The following THRB variants were observed in gnomAD, a reference collection of about 807,000 sequenced individuals.
The protein encoded by THRB is nuclear receptor subfamily 1 group A member 2.
THRB carries 12 observed loss-of-function variants against 47.8 expected under a neutral mutation model. The observed-to-expected ratio is 0.25, with a 90% CI of 0.16 to 0.41. THRB has a LOEUF of 0.41. Ranked by LOEUF, THRB falls within the 10% of genes least tolerant of loss-of-function variation. The probability of loss-of-function intolerance (pLI) is 1.00; values close to 1 mark genes in which losing one functional copy is unlikely to be tolerated. For missense variants in THRB, 348 were observed against 589.2 expected, an observed-to-expected ratio of 0.59 and a Z score of 4.24; for synonymous variants, 218 against 212.2, an observed-to-expected ratio of 1.03 and a Z score of -0.24.
intron 1 of THRB, among the ~76,000 whole-genome samples, chr3:24,406,657 C>A (rs2067851757): frequency 6.6e-6 from 1 of 150,966 alleles, no homozygotes. Context: ...TTTTCTATCC[C>A]TAGAATAGTT....
chr3:24,229,893 C>G (rs2048077845), intron 3 of THRB, among the ~76,000 whole-genome samples: 2 of 152,184 alleles, frequency 1.3e-5, no homozygotes, highest in Admixed American at 6.5e-5. Flanking sequence ...TTGTAATATA[C>G]TACTAGCTGT....
intron 4 of THRB, among the ~76,000 whole-genome samples, chr3:24,202,746 T>A (rs75244707): frequency 6.6e-6 from 1 of 152,216 alleles, no homozygotes; most frequent in African/African-American, 2.4e-5. Context: ...GTGGAGGAGA[T>A]GCTGTGATTA....
chr3:24,464,830 T>C (rs2074004789), intron 1 of THRB, among the ~76,000 whole-genome samples: 1 of 152,222 alleles, frequency 6.6e-6, no homozygotes, highest in Admixed American at 6.5e-5. Flanking sequence ...AGAAAATCTT[T>C]TTTTATCATT....
chr3:24,151,383 G>A (rs1338546172), intron 6 of THRB, among the ~76,000 whole-genome samples: 8 of 152,084 alleles, frequency 5.3e-5, no homozygotes, highest in African/African-American at 1.4e-4. Context: ...TTGGAGAAGC[G>A]GAAGAAGAGA....
chr3:24,174,549 C>G lies in THRB; in HGVS notation c.283+15525G>C, dbSNP rs534679464. Among the ~76,000 whole-genome samples the G allele has an allele frequency of 3.3e-5, 5 of 152,282 alleles. No homozygotes were observed. In the East Asian group the frequency reaches 9.6e-4, roughly 29 times the overall value. Reference sequence around the variant, plus strand: ...TGTTACCCCTCCCACAACCCCAATCCTAGCTTGCAATAATCTTTAGTTTTT... The same window carrying G: ...TGTTACCCCTCCCACAACCCCAATCGTAGCTTGCAATAATCTTTAGTTTTT... On this transcript the variant is annotated intron_variant, in intron 5 of 10. Transcript: ENST00000646209.
intron 1 of THRB, among the ~76,000 whole-genome samples, chr3:24,341,631 T>C (rs537884339): frequency 6.6e-6 from 1 of 152,328 alleles, no homozygotes; most frequent in South Asian, 2.1e-4. Flanking sequence ...AACTTTGTAG[T>C]TCCTCTCACT....
chr3:24,435,576 T>C (rs2070860862), intron 1 of THRB, among the ~76,000 whole-genome samples: 2 of 152,160 alleles, frequency 1.3e-5, no homozygotes, highest in Non-Finnish European at 2.9e-5. Context: ...TCTCACGACA[T>C]TTGACACGTG....
intron 1 of THRB, among the ~76,000 whole-genome samples, chr3:24,464,555 G>C (rs144911976): frequency 6.6e-6 from 1 of 152,068 alleles, no homozygotes; most frequent in South Asian, 2.1e-4. Flanking sequence ...CCTGGATTAC[G>C]GGTTTTATGC....
intron 1 of THRB, among the ~76,000 whole-genome samples, chr3:24,451,616 C>T (rs1181349725): frequency 6.6e-6 from 1 of 152,200 alleles, no homozygotes; most frequent in Admixed American, 6.5e-5. Flanking sequence ...TTCTCTTTCA[C>T]CTGCTCCTGA....
chr3:24,342,243 A>G (rs2062713119), intron 1 of THRB, among the ~76,000 whole-genome samples: 2 of 152,174 alleles, frequency 1.3e-5, no homozygotes, highest in Non-Finnish European at 2.9e-5. Flanking sequence ...TGTATCAATC[A>G]GGGTTATCCA....
chr3:24,260,084 C>T (rs1193803190), intron 3 of THRB, among the ~76,000 whole-genome samples: 1 of 152,194 alleles, frequency 6.6e-6, no homozygotes, highest in Non-Finnish European at 1.5e-5. Context: ...AACCACTAAT[C>T]TACTTTCTGT....
At chr3:24,357,102 C>A (rs1198622015) in intron 1 of THRB, among the ~76,000 whole-genome samples, 1 of 150,542 alleles carries the variant, frequency 6.6e-6, no homozygotes. Context: ...GGCACCTGAC[C>A]TGAAGATTGA....
intron 4 of THRB, among the ~76,000 whole-genome samples, chr3:24,212,648 C>G (rs1353670502): frequency 6.6e-6 from 1 of 151,490 alleles, no homozygotes; most frequent in Non-Finnish European, 1.5e-5. Context: ...TTGATCCAGG[C>G]CACTTGGAGA....
intron 1 of THRB, among the ~76,000 whole-genome samples, chr3:24,369,912 C>T (rs1283439224): frequency 6.6e-6 from 1 of 152,124 alleles, no homozygotes; most frequent in Non-Finnish European, 1.5e-5. Context: ...TAGGAACTAA[C>T]TCTGGAAACT....
At chr3:24,167,000 A>T (rs1440281067) in intron 5 of THRB, among the ~76,000 whole-genome samples, 1 of 152,148 alleles carries the variant, frequency 6.6e-6, no homozygotes, top group Non-Finnish European at 1.5e-5. Flanking sequence ...GTTCAGAAAA[A>T]AAAAATCACC....
rs186172430 is a variant in THRB at position 24,249,671 on chromosome 3, T to C, written c.-42-20670A>G. ...TCTGTACACATTCAGGAGGAATACTTAATACATTATGAGCTGGCTCCAGGA... is the reference window on the plus strand; with the variant it reads ...TCTGTACACATTCAGGAGGAATACTCAATACATTATGAGCTGGCTCCAGGA... On this transcript the variant is annotated intron_variant, in intron 3 of 10. Coordinates refer to ENST00000646209, the MANE Select transcript of THRB (RefSeq NM_001354712.2). Among the ~76,000 whole-genome samples, 200 of 152,286 alleles carry C rather than the reference T, an allele frequency of 1.3e-3. 2 individuals are homozygous for C. The highest frequency in any genetic ancestry group is 3.8e-3 in the African/African-American group (160 of 41,560).
chr3:24,347,151 T>A (rs1201276742), intron 1 of THRB, among the ~76,000 whole-genome samples: 1 of 151,886 alleles, frequency 6.6e-6, no homozygotes, highest in East Asian at 1.9e-4. Flanking sequence ...AACCCATGGG[T>A]CAAAGATTAA....
intron 3 of THRB, among the ~76,000 whole-genome samples, chr3:24,233,591 G>GAGAAAGAAAGAAAAAT (rs2048521184): frequency 1.4e-5 from 1 of 69,316 alleles, no homozygotes; most frequent in African/African-American, 3.6e-5. Flanking sequence ...AAGAAAGAAA[G>GAGAAAGAAAGAAAAAT]AAAGAAAGAA....
chr3:24,334,632 C>T (rs1390179656), intron 2 of THRB, among the ~76,000 whole-genome samples: 4 of 152,182 alleles, frequency 2.6e-5, no homozygotes, highest in East Asian at 1.9e-4. Flanking sequence ...ACATGCTCAG[C>T]GCCTCCAGAG....
Sources: gnomAD v4.1 joint callset for allele counts (sites outside exome capture counted in the v4.1 genomes callset) on GRCh38, gnomAD v4.1.1 for gene constraint, MANE v1.5 for transcripts, NCBI Gene and HGNC (gene_info 2026-07-23, HGNC 2026-07-21) for gene names.